CFLAR: variants seen among roughly 807,000 people sequenced by gnomAD.
CFLAR encodes the protein CASP8 and FADD like apoptosis regulator, also known as CASP8 and FADD-like apoptosis regulator.
A neutral mutation model predicts 51.1 loss-of-function variants in CFLAR; 14 were observed. That is an observed-to-expected ratio of 0.27 (90% CI 0.18 to 0.43). The LOEUF is 0.43. CFLAR is among the 20% of genes least tolerant of loss of function. The pLI is 1.00. For missense variants in CFLAR, 390 were observed against 566.5 expected (o/e 0.69, Z 3.16); for synonymous variants, 210 against 211.6 (o/e 0.99, Z 0.06).
At position 201,155,462 on chromosome 2, in the gene CFLAR, C is replaced by A. The variant is rs544869841; in HGVS notation, c.794-4970C>A. 1.3e-3 allele frequency among the ~76,000 whole-genome samples: 198 copies of A among 152,120 alleles called. 1 individual carries two copies. Among genetic ancestry groups the A allele is most frequent in the Non-Finnish European group, 2.5e-3 (172 of 67,986 alleles). On this transcript the variant is annotated intron_variant, in intron 8 of 9. Coordinates refer to ENST00000309955, the MANE Select transcript of CFLAR (RefSeq NM_003879.7). The stretch of plus-strand genomic sequence containing the variant: ...GTATTTTTGTAGAGATGGGGTTTCA[C>A]CATGTTGGCCAGGCTAGTCTTGAAC...
chr2:201,133,184 G>A, intron 3 of CFLAR, 50 bp downstream of exon 3: 2 of 1,374,320 alleles, frequency 1.5e-6, no homozygotes, highest in Non-Finnish European at 2.1e-6. Context: ...TCAGAAGTGG[G>A]AGCTACTCTT....
intron 8 of CFLAR, chr2:201,152,717 G>A (rs1257874925): frequency 2.0e-5 from 3 of 152,154 alleles, no homozygotes; most frequent in Non-Finnish European, 4.4e-5. Context: ...CCAACTTCTT[G>A]GATAAACACT....
intron 5 of CFLAR, chr2:201,141,536 A>G: frequency 2.2e-6 from 3 of 1,343,644 alleles, no homozygotes; most frequent in Non-Finnish European, 2.9e-6. Context: ...CTGTATGTTT[A>G]GATGCTTTCC....
intron 1 of CFLAR, chr2:201,122,328 A>C (rs2048267072): frequency 6.6e-6 from 1 of 152,228 alleles, no homozygotes; most frequent in South Asian, 2.1e-4. Flanking sequence ...TTGTTATCTC[A>C]TGTAGCTGCA....
At chr2:201,132,449 A>G (rs941092390) in intron 2 of CFLAR, among the ~76,000 whole-genome samples, 21 of 150,030 alleles carry the variant, frequency 1.4e-4, no homozygotes, top group African/African-American at 5.2e-4. Context: ...ATATATATAT[A>G]TATATAGTGT....
At chr2:201,121,637 C>T (rs1381942897) in intron 1 of CFLAR, among the ~76,000 whole-genome samples, 1 of 152,096 alleles carries the variant, frequency 6.6e-6, no homozygotes, top group Non-Finnish European at 1.5e-5. Flanking sequence ...TTATATATCC[C>T]TAGTGTTATG....
At chr2:201,151,860 C>A (rs1361849421) in intron 8 of CFLAR, among the ~76,000 whole-genome samples, 1 of 151,940 alleles carries the variant, frequency 6.6e-6, no homozygotes, top group Non-Finnish European at 1.5e-5. Flanking sequence ...TTGAATTTTT[C>A]TGCATTATAG....
chr2:201,125,154 T>A (rs1408528291), intron 1 of CFLAR, among the ~76,000 whole-genome samples: 1 of 152,174 alleles, frequency 6.6e-6, no homozygotes, highest in African/African-American at 2.4e-5. Context: ...ACATTTTAAA[T>A]AAAGACAGCG....
intron 1 of CFLAR, 44 bp from the exon 2 acceptor site, chr2:201,129,685 G>A (rs2049054620): frequency 3.4e-6 from 2 of 594,914 alleles, no homozygotes; most frequent in South Asian, 2.4e-5. Context: ...TTAGGCATAA[G>A]TTAGCTTGAT....
intron 4 of CFLAR, chr2:201,137,908 T>A: frequency 1.3e-6 from 1 of 770,872 alleles, no homozygotes; most frequent in Non-Finnish European, 2.4e-6. Context: ...GAGCCCATCA[T>A]CACTGTGGAG....
chr2:201,130,353 CTTT>C (rs771361555), intron 2 of CFLAR, among the ~76,000 whole-genome samples: 13 of 92,276 alleles, frequency 1.4e-4, no homozygotes, highest in East Asian at 1.0e-3. Context: ...TTCTTTCTTT[CTTT>C]TTTTTTTTTT....
intron 1 of CFLAR, chr2:201,129,391 C>T: frequency 5.4e-6 from 1 of 186,460 alleles, no homozygotes; most frequent in Non-Finnish European, 1.1e-5. Flanking sequence ...TTCCCTATTC[C>T]TCCTACTGAG....
At chr2:201,163,083 T>A (rs2125945424) in intron 9 of CFLAR, 2 of 751,566 alleles carry the variant, frequency 2.7e-6, no homozygotes, top group East Asian at 4.9e-5. Flanking sequence ...TCCTATAGGA[T>A]GGTCATATCA....
intron 1 of CFLAR, among the ~76,000 whole-genome samples, chr2:201,128,783 A>T (rs912188446): frequency 6.6e-6 from 1 of 152,242 alleles, no homozygotes; most frequent in African/African-American, 2.4e-5. Context: ...ACAAGAGGTG[A>T]TTTAACATAA....
chr2:201,122,259 G>A (rs1036940931), intron 1 of CFLAR, among the ~76,000 whole-genome samples: 1 of 152,160 alleles, frequency 6.6e-6, no homozygotes, highest in Non-Finnish European at 1.5e-5. Flanking sequence ...AGAAAATTTT[G>A]CATGGGGGCT....
intron 2 of CFLAR, 28 bp downstream of exon 2, chr2:201,130,174 G>A: frequency 1.4e-6 from 2 of 1,456,212 alleles, no homozygotes; most frequent in Non-Finnish European, 1.8e-6. Context: ...CCTGAGGCTG[G>A]GTGGGTGGGA....
In CFLAR at chr2:201,138,326, C is replaced by T; in HGVS notation, c.524-2031C>T. The stretch of plus-strand genomic sequence containing the variant: ...CTCATGGGTACCCACAGCTGCCCCG[C>T]CCAGCAGCTGCTCATGGGAATCCTT... On this transcript the variant is annotated intron_variant, in intron 4 of 9. Transcript: ENST00000309955. The surrounding 1 kb of genome is among the most constrained non-coding windows in gnomAD (Gnocchi z 4.0). 1.3e-6 allele frequency: 1 copy of T among 771,506 alleles called. No homozygotes were observed. The highest frequency in any genetic ancestry group is 2.4e-6 in the Non-Finnish European group (1 of 417,696). 47.8% of individuals were successfully genotyped at this position (771,506 alleles called of 1,614,324 possible). A position where few individuals can be genotyped will look rare whatever the true frequency, so the allele number is the denominator to read the frequency against.
intron 8 of CFLAR, among the ~76,000 whole-genome samples, chr2:201,158,852 C>CATT (rs61427822): frequency 0.03 from 4,176 of 139,568 alleles, 114 homozygotes; most frequent in East Asian, 0.084. Context: ...TTGCCCTCAT[C>CATT]ATTATTATTA....
rs1943878647 is a variant in CFLAR at position 201,169,475 on chromosome 2, T to C, written c.*5502T>C. The C allele has an allele frequency of 6.6e-6, 1 of 152,140 alleles. No homozygotes were observed. Among genetic ancestry groups the C allele is most frequent in the East Asian group, 1.9e-4 (1 of 5,180 alleles). 9.4% of individuals were successfully genotyped at this position (152,140 alleles called of 1,614,324 possible). ...AAAAATTAACTCAAGATTAAAGACTTAATGTAAAACCTAAAACTATAAAAA... is the reference window on the plus strand; with the variant it reads ...AAAAATTAACTCAAGATTAAAGACTCAATGTAAAACCTAAAACTATAAAAA... On this transcript the variant is annotated 3_prime_UTR_variant, in exon 10 of 10. Transcript: ENST00000309955.
Sources: allele counts gnomAD v4.1 joint callset (sites outside exome capture counted in the v4.1 genomes callset), GRCh38; gene constraint gnomAD v4.1.1; non-coding constraint Gnocchi (gnomAD v3.1); transcripts MANE v1.5; gene names NCBI Gene and HGNC (gene_info 2026-07-23, HGNC 2026-07-21).